Variants in FAR2 observed in about 807,000 individuals in gnomAD.
The protein encoded by FAR2 is fatty acyl-CoA reductase 2.
FAR2 carries 19 observed loss-of-function variants against 56.0 expected under a neutral mutation model. The observed-to-expected ratio is 0.34, with a 90% CI of 0.24 to 0.50. FAR2 has a LOEUF of 0.50. Among genes scored for constraint, FAR2 ranks in the 20% least tolerant of loss-of-function variants. FAR2 has a pLI of 0.98. For missense variants in FAR2, 508 were observed against 642.2 expected, an observed-to-expected ratio of 0.79 and a Z score of 2.26; for synonymous variants, 219 against 218.8, an observed-to-expected ratio of 1.00 and a Z score of -0.01.
chr12:29,241,341 C>T (rs1049377378), intron 1 of FAR2, among the ~76,000 whole-genome samples: 1 of 151,852 alleles, frequency 6.6e-6, no homozygotes. Flanking sequence ...TGATGGAAAT[C>T]TGGAAAGACT....
intron 10 of FAR2, among the ~76,000 whole-genome samples, chr12:29,327,853 T>C (rs1591975570): frequency 6.6e-6 from 1 of 152,094 alleles, no homozygotes; most frequent in South Asian, 2.1e-4. Flanking sequence ...GGGAAGGACT[T>C]CATGTCTAAA....
At chr12:29,265,263 C>T (rs1948495112) in intron 1 of FAR2, among the ~76,000 whole-genome samples, 1 of 152,188 alleles carries the variant, frequency 6.6e-6, no homozygotes, top group South Asian at 2.1e-4. Context: ...ATCACATTGC[C>T]TGACTTCAAA....
At chr12:29,322,941 C>A (rs1949577125) in intron 10 of FAR2, among the ~76,000 whole-genome samples, 1 of 152,214 alleles carries the variant, frequency 6.6e-6, no homozygotes, top group South Asian at 2.1e-4. Flanking sequence ...CACCCACTGT[C>A]CTGCACCCAC....
At chr12:29,177,549 G>C (rs902224034) in intron 1 of FAR2, among the ~76,000 whole-genome samples, 1 of 152,126 alleles carries the variant, frequency 6.6e-6, no homozygotes, top group Non-Finnish European at 1.5e-5. Context: ...GCTATCCTAG[G>C]GTTTTCTCCG....
intron 1 of FAR2, among the ~76,000 whole-genome samples, chr12:29,210,643 A>C (rs1014761009): frequency 6.6e-6 from 1 of 152,214 alleles, no homozygotes; most frequent in African/African-American, 2.4e-5. Flanking sequence ...GGCCATTCCA[A>C]ATATGATTTC....
chr12:29,172,267 A>G (rs11050099), intron 1 of FAR2, among the ~76,000 whole-genome samples: 118,247 of 151,586 alleles, frequency 0.78, 46,999 homozygotes, highest in East Asian at 0.91. Context: ...AGTGAGGAGC[A>G]CCTCTGCCCA....
At chr12:29,283,723 G>T (rs766576997) in intron 2 of FAR2, among the ~76,000 whole-genome samples, 4 of 152,178 alleles carry the variant, frequency 2.6e-5, no homozygotes, top group Non-Finnish European at 4.4e-5. Flanking sequence ...AATTTCGTGT[G>T]TTGAAATGTG....
At chr12:29,268,332 T>C (rs1442207584) in intron 1 of FAR2, among the ~76,000 whole-genome samples, 1 of 152,158 alleles carries the variant, frequency 6.6e-6, no homozygotes, top group Non-Finnish European at 1.5e-5. Context: ...TCCCCACACC[T>C]CCAGCACTGT....
At chr12:29,258,543 G>A (rs1183783669) in intron 1 of FAR2, among the ~76,000 whole-genome samples, 1 of 152,092 alleles carries the variant, frequency 6.6e-6, no homozygotes, top group African/African-American at 2.4e-5. Flanking sequence ...TCACAAAATA[G>A]CAATGACTTT....
chr12:29,187,296 A>C (rs937572721), intron 1 of FAR2, among the ~76,000 whole-genome samples: 1 of 151,604 alleles, frequency 6.6e-6, no homozygotes, highest in Non-Finnish European at 1.5e-5. Context: ...ATTTTTCTTC[A>C]TTTCTCTAGA....
At chr12:29,153,458 C>A (rs1381633541) in intron 1 of FAR2, among the ~76,000 whole-genome samples, 1 of 152,194 alleles carries the variant, frequency 6.6e-6, no homozygotes, top group Non-Finnish European at 1.5e-5. Context: ...CTTGTGACTG[C>A]ACTTAGGTGA....
At chr12:29,316,783 C>A (rs1342791284) in intron 8 of FAR2, 58 bp from the exon 9 acceptor site, 3 of 1,544,520 alleles carry the variant, frequency 1.9e-6, no homozygotes, top group Non-Finnish European at 2.7e-6. Flanking sequence ...ATGCTTTCCA[C>A]TATGATGGAC....
At chr12:29,158,219 T>C (rs760090726) in intron 1 of FAR2, among the ~76,000 whole-genome samples, 4 of 152,252 alleles carry the variant, frequency 2.6e-5, no homozygotes, top group Non-Finnish European at 5.9e-5. Context: ...TATTTCACTG[T>C]AACTATTGTC....
At position 29,334,963 on chromosome 12, in the gene FAR2, G is replaced by T. The variant is rs1949776511; in HGVS notation, c.*1169G>T. 6.6e-6 allele frequency: 1 copy of T among 152,074 alleles called. No homozygotes were observed. The highest frequency in any genetic ancestry group is 2.1e-4 in the South Asian group (1 of 4,824). The allele number at this position is 152,074 out of a possible 1,614,324, so 9.4% of individuals were successfully genotyped here. On this transcript the variant is annotated 3_prime_UTR_variant, in exon 12 of 12. Transcript: ENST00000536681. ...CTCCAATTCCTATAGTAATAATAATGTAACTGTTACACCAACTTTCCTCAT... is the reference window on the plus strand; with the variant it reads ...CTCCAATTCCTATAGTAATAATAATTTAACTGTTACACCAACTTTCCTCAT...
intron 1 of FAR2, among the ~76,000 whole-genome samples, chr12:29,266,775 C>T (rs895061681): frequency 1.3e-5 from 2 of 151,960 alleles, no homozygotes; most frequent in Non-Finnish European, 2.9e-5. Context: ...AATATATATA[C>T]CTACTATGTA....
At chr12:29,324,484 A>C (rs1252185235) in intron 10 of FAR2, among the ~76,000 whole-genome samples, 2 of 152,228 alleles carry the variant, frequency 1.3e-5, no homozygotes, top group African/African-American at 4.8e-5. Flanking sequence ...AAAAAGTGTT[A>C]AGAGCAGCCA....
At chr12:29,333,508 T>C in intron 11 of FAR2, 124 bp from the exon 12 acceptor site, 1 of 861,152 alleles carries the variant, frequency 1.2e-6, no homozygotes, top group Non-Finnish European at 1.8e-6. Context: ...CCAAGTTATA[T>C]CAAATACTCT....
intron 1 of FAR2, among the ~76,000 whole-genome samples, chr12:29,250,391 A>T (rs1437029684): frequency 6.6e-6 from 1 of 152,234 alleles, no homozygotes; most frequent in Non-Finnish European, 1.5e-5. Context: ...TATTTAATAG[A>T]AGAGAAAACT....
chr12:29,194,901 A>G (rs1950132872), intron 1 of FAR2, among the ~76,000 whole-genome samples: 1 of 152,168 alleles, frequency 6.6e-6, no homozygotes, highest in Non-Finnish European at 1.5e-5. Flanking sequence ...CAGATTAGCA[A>G]GAAAAAGATT....
Sources: allele counts gnomAD v4.1 joint callset (sites outside exome capture counted in the v4.1 genomes callset), GRCh38; gene constraint gnomAD v4.1.1; transcripts MANE v1.5; gene names NCBI Gene and HGNC (gene_info 2026-07-23, HGNC 2026-07-21).